The following NAALADL2 variants were observed in gnomAD, a reference collection of about 807,000 sequenced individuals.
NAALADL2 encodes the protein inactive N-acetylated-alpha-linked acidic dipeptidase-like protein 2.
In NAALADL2, 76 loss-of-function variants were observed where a neutral mutation model predicts 87.2. That is an observed-to-expected ratio of 0.87 (90% CI 0.72 to 1.05). The LOEUF (loss-of-function observed/expected upper bound fraction) is 1.05, where lower values mean the gene tolerates loss of function less well. NAALADL2 is among the 50% of genes least tolerant of loss of function. The pLI, the probability that NAALADL2 is intolerant of heterozygous loss-of-function variation, is 0.00. For missense variants in NAALADL2, 1,089 were observed against 945.8 expected (o/e 1.15, Z -1.99); for synonymous variants, 354 against 331.0 (o/e 1.07, Z -0.75).
chr3:174,547,508 T>G (rs899346774), intron 1 of NAALADL2, among the ~76,000 whole-genome samples: 25 of 152,124 alleles, frequency 1.6e-4, no homozygotes, highest in Admixed American at 1.6e-3. Context: ...ACTCTCTCAT[T>G]TCAATGCCTC....
chr3:175,273,517 C>T (rs2110027464), intron 4 of NAALADL2, among the ~76,000 whole-genome samples: 1 of 152,032 alleles, frequency 6.6e-6, no homozygotes, highest in Non-Finnish European at 1.5e-5. Flanking sequence ...GTAAAGATTA[C>T]CAACAGAGTT....
intron 2 of NAALADL2, among the ~76,000 whole-genome samples, chr3:175,137,069 G>A (rs1346653105): frequency 6.6e-6 from 1 of 152,066 alleles, no homozygotes; most frequent in Non-Finnish European, 1.5e-5. Flanking sequence ...AAGATGACAA[G>A]TAGTACTAAA....
intron 13 of NAALADL2, among the ~76,000 whole-genome samples, chr3:175,758,791 AT>A (rs1016053360): frequency 1.2e-4 from 18 of 151,332 alleles, no homozygotes; most frequent in Non-Finnish European, 1.9e-4. Context: ...ACAGGGTTCA[AT>A]TTTTTTTTAA....
chr3:175,238,501 G>A (rs932469673), intron 3 of NAALADL2, among the ~76,000 whole-genome samples: 3 of 152,014 alleles, frequency 2.0e-5, no homozygotes, highest in Non-Finnish European at 2.9e-5. Flanking sequence ...TTTTAAGATT[G>A]TATTAATAAT....
At chr3:174,765,148 G>C (rs1305416224) in intron 3 of NAALADL2, among the ~76,000 whole-genome samples, 47 of 146,500 alleles carry the variant, frequency 3.2e-4, no homozygotes, top group Admixed American at 4.7e-4. Context: ...ACACACGAGA[G>C]AGAGAGAGAG....
intron 4 of NAALADL2, among the ~76,000 whole-genome samples, chr3:175,268,372 G>A (rs900716376): frequency 5.3e-5 from 8 of 152,106 alleles, no homozygotes; most frequent in African/African-American, 1.4e-4. Flanking sequence ...GGCACTTAGC[G>A]TCAGTAGAGC....
intron 4 of NAALADL2, among the ~76,000 whole-genome samples, chr3:175,307,021 G>A (rs62287007): frequency 0.2 from 30,445 of 152,000 alleles, 3,432 homozygotes; most frequent in Non-Finnish European, 0.24. Context: ...GCAAAGACAG[G>A]AAGATTTGCT....
At chr3:175,309,295 C>T (rs1414697297) in intron 4 of NAALADL2, among the ~76,000 whole-genome samples, 1 of 151,988 alleles carries the variant, frequency 6.6e-6, no homozygotes, top group East Asian at 1.9e-4. Context: ...AAGTGATTCT[C>T]CTCCCTCAGC....
intron 2 of NAALADL2, among the ~76,000 whole-genome samples, chr3:175,209,143 C>T (rs938437221): frequency 1.3e-5 from 2 of 151,968 alleles, no homozygotes; most frequent in Admixed American, 6.6e-5. Context: ...GGGAAAAGAA[C>T]GTAAAATAAA....
At chr3:175,081,234 T>A (rs143365821) in intron 1 of NAALADL2, 2 of 152,334 alleles carry the variant, frequency 1.3e-5, no homozygotes, top group East Asian at 3.9e-4. Context: ...TTTCTATAAG[T>A]GTAATTATGT....
chr3:174,686,711 A>C (rs1339856924), intron 2 of NAALADL2, among the ~76,000 whole-genome samples: 2 of 152,078 alleles, frequency 1.3e-5, no homozygotes, highest in Non-Finnish European at 2.9e-5. Context: ...CTATTCAATA[A>C]ATGGTGCTGG....
chr3:174,656,908 G>A (rs1300000647), intron 2 of NAALADL2, among the ~76,000 whole-genome samples: 1 of 151,978 alleles, frequency 6.6e-6, no homozygotes, highest in East Asian at 1.9e-4. Flanking sequence ...TCGGCACCTC[G>A]AAAAGAGTAA....
intron 2 of NAALADL2, among the ~76,000 whole-genome samples, chr3:175,225,218 A>G (rs147558467): frequency 1.8e-3 from 271 of 152,338 alleles, no homozygotes; most frequent in African/African-American, 6.2e-3. Flanking sequence ...TCCCCATTAT[A>G]TAAAATTACC....
intron 9 of NAALADL2, among the ~76,000 whole-genome samples, chr3:175,489,248 C>CA (rs1260166987): frequency 2.6e-5 from 4 of 151,982 alleles, no homozygotes; most frequent in African/African-American, 7.3e-5. Context: ...CCTATGATCT[C>CA]AAAGAAGAAT....
chr3:175,470,687 A>AG (rs1438840144), intron 8 of NAALADL2, among the ~76,000 whole-genome samples: 1 of 152,152 alleles, frequency 6.6e-6, no homozygotes, highest in Non-Finnish European at 1.5e-5. Context: ...ACAAAAAAAA[A>AG]CAGGAAAATA....
At position 175,584,796 on chromosome 3, in the gene NAALADL2, G is replaced by A. The variant is rs548032467; in HGVS notation, c.1800+8609G>A. The stretch of plus-strand genomic sequence containing the variant: ...AAGTACAATATAAAAGTTAAAAAGT[G>A]GTACACATGTATAGGGCACTTATTA... On this transcript the variant is annotated intron_variant, in intron 10 of 13. Coordinates refer to ENST00000454872, the MANE Select transcript of NAALADL2 (RefSeq NM_207015.3). Among the ~76,000 whole-genome samples, 17 of 152,262 alleles carry A rather than the reference G, an allele frequency of 1.1e-4. No individual in the cohort carries two copies. In the East Asian group the frequency reaches 3.3e-3, roughly 29 times the overall value.
intron 13 of NAALADL2, among the ~76,000 whole-genome samples, chr3:175,759,453 G>T (rs915465489): frequency 6.6e-6 from 1 of 152,000 alleles, no homozygotes; most frequent in Non-Finnish European, 1.5e-5. Flanking sequence ...CACCTCCGGG[G>T]TTCAAGCGAT....
In NAALADL2 at chr3:175,345,349, A is replaced by G. The variant is rs147142766; in HGVS notation, c.1090+21024A>G. Among the ~76,000 whole-genome samples the G allele has an allele frequency of 2.0e-5, 3 of 152,264 alleles. No individual in the cohort carries two copies. The East Asian group carries it at 5.8e-4, about 29-fold the overall frequency. On this transcript the variant is annotated intron_variant, in intron 5 of 13. Coordinates refer to ENST00000454872, the MANE Select transcript of NAALADL2 (RefSeq NM_207015.3). ...AGTGAATGTTTGTTAAATAATATTA[A>G]AAAGAAGTAAGGAAGGGATAATATT...
At chr3:174,960,541 G>T (rs1741825011) in intron 1 of NAALADL2, among the ~76,000 whole-genome samples, 1 of 151,926 alleles carries the variant, frequency 6.6e-6, no homozygotes, top group African/African-American at 2.4e-5. Context: ...CTAATAATCT[G>T]GGACTATCTA....
Sources: allele counts gnomAD v4.1 joint callset (sites outside exome capture counted in the v4.1 genomes callset), GRCh38; gene constraint gnomAD v4.1.1; transcripts MANE v1.5; gene names NCBI Gene and HGNC (gene_info 2026-07-23, HGNC 2026-07-21).